Variants in EFCAB3 observed in about 807,000 individuals in gnomAD.
EFCAB3 encodes EF-hand calcium-binding domain-containing protein 3.
A neutral mutation model predicts 42.2 loss-of-function variants in EFCAB3; 36 were observed. The observed-to-expected ratio is 0.85, with a 90% CI of 0.65 to 1.13. EFCAB3 has a LOEUF of 1.13. Ranked by LOEUF, EFCAB3 falls within the 50% of genes most tolerant of loss-of-function variation. EFCAB3 has a pLI of 0.00. For missense variants in EFCAB3, 418 were observed against 505.1 expected (o/e 0.83, Z 1.65); for synonymous variants, 170 against 172.8 (o/e 0.98, Z 0.13).
intron 3 of EFCAB3, among the ~76,000 whole-genome samples, chr17:62,388,063 A>G (rs1453713920): frequency 6.6e-6 from 1 of 152,124 alleles, no homozygotes; most frequent in Non-Finnish European, 1.5e-5. Flanking sequence ...TACAAAAATT[A>G]GCTGAGCGTG....
intron 6 of EFCAB3, among the ~76,000 whole-genome samples, chr17:62,399,244 T>G (rs558271544): frequency 7.1e-4 from 108 of 152,026 alleles, no homozygotes; most frequent in Non-Finnish European, 1.4e-3. Context: ...GATGGTTCAC[T>G]GAAGCCTCAA....
In EFCAB3 at chr17:62,395,664, A is replaced by C. The variant is rs79955555; in HGVS notation, c.488+476A>C. ...TGGACTAGAGCAGAGCCAGAATTAG[A>C]CTTGAGAATAAAGGATGAAGAAACA... is the stretch of plus-strand genomic sequence containing the variant. On this transcript the variant is annotated intron_variant, in intron 6 of 9. Coordinates refer to ENST00000305286, the MANE Select transcript of EFCAB3 (RefSeq NM_173503.4). 5.5e-3 allele frequency among the ~76,000 whole-genome samples: 843 copies of C among 152,306 alleles called. 5 individuals are homozygous for C. Among genetic ancestry groups the C allele is most frequent in the African/African-American group, 0.019 (804 of 41,564 alleles).
intron 5 of EFCAB3, 110 bp from the exon 6 acceptor site, chr17:62,394,958 T>C: frequency 1.4e-6 from 2 of 1,394,702 alleles, no homozygotes; most frequent in Non-Finnish European, 1.9e-6. Context: ...TGTTTTACTG[T>C]ACCTCTAGTT....
In EFCAB3 at chr17:62,373,279, C is replaced by CAAAA. The variant is rs66484718; in HGVS notation, c.35-522_35-519dup. On this transcript the variant is annotated intron_variant, in intron 1 of 11. Coordinates refer to the EFCAB3 transcript ENST00000450662. Reference sequence around the variant, plus strand: ...TGGGTGACAGAGTGAGACCCTGCCTCAAAAAAAAAAAAAAAATGTAGAAAT... The same window carrying CAAAA: ...TGGGTGACAGAGTGAGACCCTGCCTCAAAAAAAAAAAAAAAAAAAATGTAGAAAT... 1.3e-4 allele frequency among the ~76,000 whole-genome samples: 17 copies of CAAAA among 131,940 alleles called. No individual in the cohort carries two copies. In the East Asian group the frequency reaches 3.0e-3, roughly 23 times the overall value. The allele number at this position is 131,940 out of a possible 152,430, so 86.6% of individuals were successfully genotyped here.
intron 8 of EFCAB3, among the ~76,000 whole-genome samples, chr17:62,408,194 G>C (rs2070464609): frequency 6.6e-6 from 1 of 152,016 alleles, no homozygotes; most frequent in South Asian, 2.1e-4. Context: ...TTTCACTAAG[G>C]TATCCCTATC....
At chr17:62,402,773 A>G (rs1475865049) in intron 6 of EFCAB3, among the ~76,000 whole-genome samples, 2 of 152,208 alleles carry the variant, frequency 1.3e-5, no homozygotes, top group African/African-American at 4.8e-5. Flanking sequence ...TGTCTCTGCC[A>G]GGCTTTGGTA....
intron 1 of EFCAB3, chr17:62,381,780 C>T (rs575054803): frequency 1.9e-5 from 8 of 412,222 alleles, no homozygotes; most frequent in Admixed American, 1.3e-4. Flanking sequence ...GGACGACGAC[C>T]GGCTCAACGA....
chr17:62,393,270 G>T (rs2070319956), intron 4 of EFCAB3, among the ~76,000 whole-genome samples: 1 of 152,202 alleles, frequency 6.6e-6, no homozygotes, highest in Non-Finnish European at 1.5e-5. Context: ...TGGGAAGACA[G>T]GACAGATTCC....
intron 2 of EFCAB3, among the ~76,000 whole-genome samples, chr17:62,386,895 C>T (rs1243808932): frequency 1.3e-5 from 2 of 152,050 alleles, no homozygotes; most frequent in East Asian, 1.9e-4. Context: ...CACAAGCAAT[C>T]CTCCCACCTC....
At chr17:62,374,349 T>C (rs1246018188) in intron 2 of EFCAB3, among the ~76,000 whole-genome samples, 2 of 152,086 alleles carry the variant, frequency 1.3e-5, no homozygotes, top group African/African-American at 4.8e-5. Context: ...TAGTCCCAGC[T>C]ACTCGGGAGG....
chr17:62,373,958 A>C (rs1419224864), intron 2 of EFCAB3: 2 of 633,218 alleles, frequency 3.2e-6, no homozygotes, highest in East Asian at 6.5e-5. Flanking sequence ...AAAGTAATAT[A>C]TGTTCATTAT....
intron 8 of EFCAB3, among the ~76,000 whole-genome samples, chr17:62,408,926 CT>C (rs1404491245): frequency 6.6e-6 from 1 of 152,176 alleles, no homozygotes; most frequent in Non-Finnish European, 1.5e-5. Context: ...TCTTTTAGGT[CT>C]TGTCTCAAAT....
chr17:62,375,669 C>T (rs1368457329), upstream of EFCAB3, among the ~76,000 whole-genome samples: 1 of 152,130 alleles, frequency 6.6e-6, no homozygotes, highest in Admixed American at 6.6e-5. Context: ...TAAGATAATC[C>T]CTCCTATCTG....
At chr17:62,405,787 A>G (rs1292851613) in intron 6 of EFCAB3, among the ~76,000 whole-genome samples, 2 of 152,210 alleles carry the variant, frequency 1.3e-5, no homozygotes, top group Non-Finnish European at 2.9e-5. Context: ...CCAGTAACAC[A>G]TCTTCTAAGT....
chr17:62,391,771 T>G, intron 3 of EFCAB3, 51 bp from the exon 4 acceptor site: 1 of 1,591,722 alleles, frequency 6.3e-7, no homozygotes, highest in Non-Finnish European at 8.6e-7. Flanking sequence ...TATTAGTGTA[T>G]GTACTTCTTC....
chr17:62,409,784 G>A (rs1457713704), intron 8 of EFCAB3, among the ~76,000 whole-genome samples: 1 of 151,186 alleles, frequency 6.6e-6, no homozygotes, highest in Non-Finnish European at 1.5e-5. Context: ...TACTGTATAT[G>A]TACTATATTT....
intron 2 of EFCAB3, among the ~76,000 whole-genome samples, chr17:62,374,340 A>G (rs2070134695): frequency 6.6e-6 from 1 of 152,154 alleles, no homozygotes; most frequent in African/African-American, 2.4e-5. Context: ...GCGTGCCTGT[A>G]GTCCCAGCTA....
chr17:62,414,933 G>A (rs1419685917), intron 9 of EFCAB3, among the ~76,000 whole-genome samples: 6 of 151,722 alleles, frequency 4.0e-5, no homozygotes, highest in East Asian at 1.9e-4. Context: ...GTGAAACCCC[G>A]TCTCTACTAA....
chr17:62,399,230 C>T (rs1225356439), intron 6 of EFCAB3, among the ~76,000 whole-genome samples: 1 of 151,764 alleles, frequency 6.6e-6, no homozygotes, highest in East Asian at 1.9e-4. Flanking sequence ...TGCAGTGGCA[C>T]CATGATGGTT....
Sources: gnomAD v4.1 joint callset for allele counts (sites outside exome capture counted in the v4.1 genomes callset) on GRCh38, gnomAD v4.1.1 for gene constraint, MANE v1.5 for transcripts, NCBI Gene and HGNC (gene_info 2026-07-23, HGNC 2026-07-21) for gene names.